SHLD1: variants seen among roughly 807,000 people sequenced by gnomAD.
SHLD1 encodes the protein shieldin complex subunit 1.
In SHLD1, 3 loss-of-function variants were observed where a neutral mutation model predicts 5.5. That is an observed-to-expected ratio of 0.54 (90% confidence interval 0.25 to 1.40). SHLD1 has a LOEUF of 1.40. Ranked by LOEUF, SHLD1 falls within the 40% of genes most tolerant of loss-of-function variation. SHLD1 has a pLI of 0.15. For synonymous variants in SHLD1, 92 were observed against 94.3 expected (o/e 0.98, Z 0.14); for missense variants, 210 against 244.4 (o/e 0.86, Z 0.94).
chr20:5,769,501 A>G (rs1460947791), intron 1 of SHLD1, among the ~76,000 whole-genome samples: 4 of 152,244 alleles, frequency 2.6e-5, no homozygotes, highest in East Asian at 1.9e-4. Context: ...ACTGAACCCA[A>G]TATGTACTAC....
At chr20:5,844,799 A>ATATATATATATATATTTT (rs1460082835) in intron 2 of SHLD1, among the ~76,000 whole-genome samples, 1 of 71,720 alleles carries the variant, frequency 1.4e-5, no homozygotes, top group East Asian at 3.7e-4. Context: ...ATATATATAT[A>ATATATATATATATATTTT]TTTTTTTTTT....
chr20:5,828,072 A>G (rs1480210702), intron 2 of SHLD1, among the ~76,000 whole-genome samples: 1 of 152,252 alleles, frequency 6.6e-6, no homozygotes, highest in Non-Finnish European at 1.5e-5. Context: ...TAGAGTCAGC[A>G]TATTCAACAC....
At chr20:5,776,774 T>C (rs1374773350) in intron 2 of SHLD1, among the ~76,000 whole-genome samples, 1 of 151,330 alleles carries the variant, frequency 6.6e-6, no homozygotes, top group Admixed American at 6.6e-5. Context: ...AAAATAATAA[T>C]AATAATAAAT....
intron 1 of SHLD1, among the ~76,000 whole-genome samples, chr20:5,763,739 T>C (rs1374242312): frequency 6.6e-6 from 1 of 152,068 alleles, no homozygotes; most frequent in Non-Finnish European, 1.5e-5. Flanking sequence ...GTCCTTAAAG[T>C]CAGCAAAATA....
chr20:5,837,204 G>C (rs540072166), intron 2 of SHLD1, among the ~76,000 whole-genome samples: 1 of 152,280 alleles, frequency 6.6e-6, no homozygotes, highest in African/African-American at 2.4e-5. Flanking sequence ...GTAAAATTAG[G>C]ATACAGTTGA....
At chr20:5,757,596 G>C (rs911948744) in intron 1 of SHLD1, among the ~76,000 whole-genome samples, 15 of 151,948 alleles carry the variant, frequency 9.9e-5, no homozygotes, top group Admixed American at 3.3e-4. Flanking sequence ...GCATATTACA[G>C]CAATTCTTTT....
At chr20:5,805,654 G>C (rs1286738632) in intron 2 of SHLD1, among the ~76,000 whole-genome samples, 1 of 152,188 alleles carries the variant, frequency 6.6e-6, no homozygotes, top group East Asian at 1.9e-4. Context: ...AGGCTGGAGT[G>C]CAGTGGCGCA....
At chr20:5,800,025 T>G (rs930479245) in intron 2 of SHLD1, among the ~76,000 whole-genome samples, 6 of 143,500 alleles carry the variant, frequency 4.2e-5, no homozygotes, top group African/African-American at 1.5e-4. Context: ...AAAGTGATTT[T>G]GTCCTTCAGG....
intron 1 of SHLD1, chr20:5,771,863 C>CA (rs1985174278): frequency 2.5e-5 from 2 of 79,272 alleles, no homozygotes; most frequent in East Asian, 9.8e-4. Flanking sequence ...GAACTTTTAC[C>CA]TTTTTTTTTT....
At chr20:5,801,490 T>C (rs536469534) in intron 2 of SHLD1, among the ~76,000 whole-genome samples, 2 of 152,202 alleles carry the variant, frequency 1.3e-5, no homozygotes, top group South Asian at 2.1e-4. Context: ...TCAAGTATCC[T>C]ACTCACAGTT....
chr20:5,834,922 C>T (rs1472445622), intron 2 of SHLD1, among the ~76,000 whole-genome samples: 2 of 152,094 alleles, frequency 1.3e-5, no homozygotes, highest in African/African-American at 2.4e-5. Context: ...TTTATGAGTT[C>T]CATTCATGAG....
intron 1 of SHLD1, among the ~76,000 whole-genome samples, chr20:5,759,416 C>T (rs909479941): frequency 9.2e-5 from 14 of 152,136 alleles, no homozygotes; most frequent in African/African-American, 2.9e-4. Context: ...TCCACAACCA[C>T]GCCCAGATAA....
chr20:5,774,616 T>TA (rs950820246), intron 2 of SHLD1, among the ~76,000 whole-genome samples: 2 of 152,116 alleles, frequency 1.3e-5, no homozygotes, highest in Non-Finnish European at 2.9e-5. Flanking sequence ...AGCTGGCACT[T>TA]CACATGGCTG....
intron 2 of SHLD1, among the ~76,000 whole-genome samples, chr20:5,842,421 C>T (rs535206675): frequency 1.3e-5 from 2 of 152,310 alleles, no homozygotes; most frequent in South Asian, 2.1e-4. Context: ...ACTCCTTCAC[C>T]ATTGCCTGCA....
Position 5,863,575 on chromosome 20 carries a change from C to A in SHLD1, c.*112C>A. ...CTGGCCAGCTCTGTGTGCCCAATCCCAATTAAGTGCTTTGAGGTTAAAGGC... is the reference window on the plus strand; with the variant it reads ...CTGGCCAGCTCTGTGTGCCCAATCCAAATTAAGTGCTTTGAGGTTAAAGGC... On this transcript the variant is annotated 3_prime_UTR_variant, in exon 3 of 3. Coordinates refer to ENST00000303142, the MANE Select transcript of SHLD1 (RefSeq NM_152504.4). 9.2e-7 allele frequency: 1 copy of A among 1,081,338 alleles called. No individual in the cohort carries two copies. Among genetic ancestry groups the A allele is most frequent in the Non-Finnish European group, 1.3e-6 (1 of 752,430 alleles). 67.0% of individuals were successfully genotyped at this position (1,081,338 alleles called of 1,614,324 possible).
chr20:5,834,584 T>C (rs568233012), intron 2 of SHLD1, among the ~76,000 whole-genome samples: 1 of 152,314 alleles, frequency 6.6e-6, no homozygotes, highest in East Asian at 1.9e-4. Context: ...TTAATCAAGC[T>C]TAGTAGCACT....
intron 2 of SHLD1, among the ~76,000 whole-genome samples, chr20:5,810,550 AG>A (rs1291861806): frequency 1.3e-5 from 2 of 152,076 alleles, no homozygotes; most frequent in Non-Finnish European, 2.9e-5. Flanking sequence ...GATGAACAGT[AG>A]GTACATACAG....
At position 5,863,696 on chromosome 20, in the gene SHLD1, A is replaced by C. The variant is rs2088194427; in HGVS notation, c.*233A>C. 1 of 483,516 alleles carries C rather than the reference A, an allele frequency of 2.1e-6. No individual in the cohort carries two copies. Among genetic ancestry groups the C allele is most frequent in the Non-Finnish European group, 3.6e-6 (1 of 275,710 alleles). 30.0% of individuals were successfully genotyped at this position (483,516 alleles called of 1,614,324 possible). ...TCCTCTTGGCCAAGGCCGCTGACTGACTGGGCTACGAGTCAAAAGCCCAGC... is the reference window on the plus strand; with the variant it reads ...TCCTCTTGGCCAAGGCCGCTGACTGCCTGGGCTACGAGTCAAAAGCCCAGC... On this transcript the variant is annotated 3_prime_UTR_variant, in exon 3 of 3. Coordinates refer to ENST00000303142, the MANE Select transcript of SHLD1 (RefSeq NM_152504.4).
intron 1 of SHLD1, among the ~76,000 whole-genome samples, chr20:5,768,959 G>T (rs1483192523): frequency 6.7e-6 from 1 of 148,404 alleles, no homozygotes; most frequent in Non-Finnish European, 1.5e-5. Context: ...GGGCTGGAGT[G>T]CATTGGCACA....
Sources: allele counts gnomAD v4.1 joint callset (sites outside exome capture counted in the v4.1 genomes callset), GRCh38; gene constraint gnomAD v4.1.1; transcripts MANE v1.5; gene names NCBI Gene and HGNC (gene_info 2026-07-23, HGNC 2026-07-21).